Variants in ERCC6 observed in about 807,000 individuals in gnomAD.
ERCC6 encodes ERCC excision repair 6, chromatin remodeling factor.
A neutral mutation model predicts 158.7 loss-of-function variants in ERCC6; 116 were observed. The observed-to-expected ratio is 0.73, with a 90% CI of 0.63 to 0.85. ERCC6 has a LOEUF of 0.85. ERCC6 is among the 40% of genes least tolerant of loss of function. The pLI, the probability that ERCC6 is intolerant of heterozygous loss-of-function variation, is 0.00. For missense variants in ERCC6, 1,698 were observed against 1,799.4 expected, an observed-to-expected ratio of 0.94 and a Z score of 1.02; for synonymous variants, 678 against 659.3, an observed-to-expected ratio of 1.03 and a Z score of -0.43.
Position 49,460,407 on chromosome 10 carries a change from T to C in ERCC6, c.4028A>G (p.His1343Arg). The change falls in exon 20 of 21, where the codon CAT (histidine) becomes CGT (arginine). Residue 1343 changes from histidine (H) to arginine (R), a missense_variant. Transcript: ENST00000355832. ...CTCTGTTGGAGATGTTGATGAAGGA[T>C]GCTGCACAGAGAAGTTAGAATTCCT... The part of the protein sequence containing the change: ...KKRNSNFSVQ[H>R]PSSTSPTEKC... 1.2e-6 allele frequency: 2 copies of C among 1,613,882 alleles called. No homozygotes were observed. The highest frequency in any genetic ancestry group is 1.7e-6 in the Non-Finnish European group (2 of 1,179,730).
intron 6 of ERCC6, chr10:49,502,500 G>A (rs1851372523): frequency 6.6e-6 from 1 of 152,214 alleles, no homozygotes; most frequent in African/African-American, 2.4e-5. Flanking sequence ...TTTGGACACA[G>A]CCTCACAATC....
At chr10:49,475,167 G>T (rs947445314) in intron 12 of ERCC6, among the ~76,000 whole-genome samples, 5 of 152,192 alleles carry the variant, frequency 3.3e-5, no homozygotes, top group Non-Finnish European at 2.9e-5. Flanking sequence ...AGTGTGGCTA[G>T]TCCAAATTGT....
intron 9 of ERCC6, 37 bp downstream of exon 9, chr10:49,483,309 T>G: frequency 6.2e-7 from 1 of 1,601,160 alleles, no homozygotes; most frequent in Middle Eastern, 1.7e-4. Context: ...ATTATTCTTC[T>G]CCACTTGGAA....
the ERCC6 span, among the ~76,000 whole-genome samples, chr10:49,439,725 T>A: frequency 1.1e-3 from 162 of 152,344 alleles, no homozygotes; most frequent in African/African-American, 3.5e-3. Flanking sequence ...TAAAACTAAA[T>A]GCCTTTAACA....
intron 5 of ERCC6, chr10:49,515,206 G>C (rs1836909785): frequency 1.2e-5 from 16 of 1,309,888 alleles, no homozygotes; most frequent in African/African-American, 1.5e-5. Context: ...AATTTGAAGA[G>C]AAAAAAAAAT....
intron 5 of ERCC6, among the ~76,000 whole-genome samples, chr10:49,522,498 C>A (rs1243460136): frequency 6.6e-6 from 1 of 152,112 alleles, no homozygotes; most frequent in South Asian, 2.1e-4. Flanking sequence ...GTAGCTTTAG[C>A]AAAATATTGG....
rs1370324011 is a variant in ERCC6 at position 49,472,955 on chromosome 10, CTGTT to C, written c.2779_2782del (p.Asn927GlufsTer24). ...CCAGTCTGGGTCATAGATGACAACTCTGTTTGCCCCCGTCAGGTTGACACCTAAG... is the reference window on the plus strand; with the variant it reads ...CCAGTCTGGGTCATAGATGACAACTCTGCCCCCGTCAGGTTGACACCTAAG... On this transcript the variant is annotated frameshift_variant, in exon 15 of 21. Coordinates refer to ENST00000355832, the MANE Select transcript of ERCC6 (RefSeq NM_000124.4). LOFTEE classifies it high-confidence loss of function. 1 of 1,614,170 alleles carries C rather than the reference CTGTT, an allele frequency of 6.2e-7. No homozygotes were observed. Among genetic ancestry groups the C allele is most frequent in the Non-Finnish European group, 8.5e-7 (1 of 1,180,024 alleles).
rs377454424 is a variant in ERCC6, at chr10:49,484,237, C to T, written c.1822-721G>A. On this transcript the variant is annotated intron_variant, in intron 8 of 20. Coordinates refer to ENST00000355832, the MANE Select transcript of ERCC6 (RefSeq NM_000124.4). ...TCAAGGCTACAGTGAGCAGTGATGG[C>T]ACCACTACACTCCAGCCTGGGTGAC... Among the ~76,000 whole-genome samples, 55 of 145,808 alleles carry T rather than the reference C, an allele frequency of 3.8e-4. No individual in the cohort carries two copies. The Middle Eastern group carries it at 0.011, about 30-fold the overall frequency.
chr10:49,461,923 C>T (rs80105100), intron 18 of ERCC6, among the ~76,000 whole-genome samples: 9,840 of 152,240 alleles, frequency 0.065, 429 homozygotes, highest in Middle Eastern at 0.11. Flanking sequence ...CAGACTTAAA[C>T]AAACAGAAAG....
chr10:49,446,259 C>CA, the ERCC6 span, among the ~76,000 whole-genome samples: 16,095 of 114,130 alleles, frequency 0.14, 1,128 homozygotes, highest in East Asian at 0.33. Flanking sequence ...ACACACACAC[C>CA]CCCCAATTTA....
intron 4 of ERCC6, among the ~76,000 whole-genome samples, chr10:49,526,173 T>G (rs1837335459): frequency 7.4e-6 from 1 of 134,664 alleles, no homozygotes; most frequent in African/African-American, 2.9e-5. Flanking sequence ...CTGGGTATGC[T>G]AAGCTTTAGT....
chr10:49,537,508 TACACACACACACAC>T (rs36057162), intron 1 of ERCC6, among the ~76,000 whole-genome samples: 1 of 145,592 alleles, frequency 6.9e-6, no homozygotes, highest in African/African-American at 2.5e-5. Flanking sequence ...TATATACACA[TACACACACACACAC>T]ACACACACAC....
chr10:49,492,293 A>T (rs1851188242), intron 8 of ERCC6, among the ~76,000 whole-genome samples: 1 of 152,158 alleles, frequency 6.6e-6, no homozygotes, highest in African/African-American at 2.4e-5. Flanking sequence ...GGGCCCCGAG[A>T]ACGAACTCAA....
At chr10:49,503,162 T>C (rs1851383268) in intron 6 of ERCC6, 1 of 151,988 alleles carries the variant, frequency 6.6e-6, no homozygotes, top group Non-Finnish European at 1.5e-5. Flanking sequence ...TCAACTTAAC[T>C]AAAGTAGGGA....
At chr10:49,514,942 C>A (rs185019283) in intron 5 of ERCC6, among the ~76,000 whole-genome samples, 33 of 152,206 alleles carry the variant, frequency 2.2e-4, no homozygotes, top group Non-Finnish European at 3.7e-4. Flanking sequence ...AGATGAAATA[C>A]CCTCAGTTAG....
intron 4 of ERCC6, among the ~76,000 whole-genome samples, chr10:49,526,313 T>C (rs1837339755): frequency 6.8e-6 from 1 of 147,414 alleles, no homozygotes; most frequent in Non-Finnish European, 1.5e-5. Flanking sequence ...TACCACATTA[T>C]GGCTATAATT....
intron 5 of ERCC6, among the ~76,000 whole-genome samples, chr10:49,522,165 A>C (rs1837183218): frequency 6.6e-6 from 1 of 152,230 alleles, no homozygotes; most frequent in African/African-American, 2.4e-5. Context: ...TCGTCAAACC[A>C]CTGCTAAGAC....
intron 7 of ERCC6, among the ~76,000 whole-genome samples, chr10:49,499,372 T>C (rs549950510): frequency 1.7e-4 from 26 of 152,284 alleles, no homozygotes; most frequent in Non-Finnish European, 3.8e-4. Flanking sequence ...AACACTAAAC[T>C]CTGGAGACTA....
At chr10:49,465,673 T>C (rs558374711) in intron 18 of ERCC6, among the ~76,000 whole-genome samples, 203 of 152,302 alleles carry the variant, frequency 1.3e-3, no homozygotes, top group Non-Finnish European at 2.1e-3. Context: ...CTTGTACTAG[T>C]GAATGAGTCT....
Sources: allele counts gnomAD v4.1 joint callset (sites outside exome capture counted in the v4.1 genomes callset), GRCh38; gene constraint gnomAD v4.1.1; transcripts MANE v1.5; gene names NCBI Gene and HGNC (gene_info 2026-07-23, HGNC 2026-07-21).